ZDHHC17: variants seen among roughly 807,000 people sequenced by gnomAD.
The protein encoded by ZDHHC17 is palmitoyltransferase ZDHHC17.
A neutral mutation model predicts 90.3 loss-of-function variants in ZDHHC17; 40 were observed. The observed-to-expected ratio is 0.44, with a 90% CI of 0.34 to 0.58. The LOEUF (loss-of-function observed/expected upper bound fraction) is 0.58. Among genes scored for constraint, ZDHHC17 ranks in the 20% least tolerant of loss-of-function variants. The pLI is 0.01. For synonymous variants in ZDHHC17, 235 were observed against 252.4 expected, an observed-to-expected ratio of 0.93 and a Z score of 0.65; for missense variants, 614 against 780.8, an observed-to-expected ratio of 0.79 and a Z score of 2.55.
At chr12:76,821,036 C>A in intron 7 of ZDHHC17, 1 of 1,265,452 alleles carries the variant, frequency 7.9e-7, no homozygotes, top group East Asian at 5.6e-5. Flanking sequence ...TATTTTAAAG[C>A]TCCCTCAATC....
chr12:76,787,941 T>G (rs1050871711), intron 1 of ZDHHC17, among the ~76,000 whole-genome samples: 1 of 152,194 alleles, frequency 6.6e-6, no homozygotes, highest in African/African-American at 2.4e-5. Context: ...CTGAGTGTGG[T>G]TGTGTGCACC....
chr12:76,842,130 C>G, intron 11 of ZDHHC17, 24 bp downstream of exon 11: 1 of 1,534,572 alleles, frequency 6.5e-7, no homozygotes, highest in Non-Finnish European at 8.7e-7. Flanking sequence ...AACTAAGTCA[C>G]TTGTATTTAA....
intron 13 of ZDHHC17, 55 bp from the exon 14 acceptor site, chr12:76,846,541 A>G (rs369348520): frequency 9.5e-6 from 13 of 1,366,102 alleles, no homozygotes; most frequent in Non-Finnish European, 1.3e-5. Flanking sequence ...TCAAAGGTGC[A>G]TTACCCGTTG....
At chr12:76,840,064 AAGTGGGGATAAT>A (rs1439108425) in intron 10 of ZDHHC17, 1 of 152,144 alleles carries the variant, frequency 6.6e-6, no homozygotes, top group Admixed American at 6.5e-5. Flanking sequence ...ATCATCTGTA[AAGTGGGGATAAT>A]AGCAGGATTT....
chr12:76,846,080 C>T (rs564107999), intron 13 of ZDHHC17, among the ~76,000 whole-genome samples: 3 of 151,558 alleles, frequency 2.0e-5, no homozygotes, highest in South Asian at 2.1e-4. Context: ...GAGATGAAGG[C>T]GGTAATATTT....
Position 76,777,923 on chromosome 12 carries a change from C to A in ZDHHC17, c.93+13594C>A, listed in dbSNP as rs73391806. 8.9e-3 allele frequency among the ~76,000 whole-genome samples: 1,343 copies of A among 151,702 alleles called. 16 individuals are homozygous for A. Among genetic ancestry groups the A allele is most frequent in the African/African-American group, 0.031 (1,278 of 41,298 alleles). On this transcript the variant is annotated intron_variant, in intron 1 of 16. Coordinates refer to ENST00000426126, the MANE Select transcript of ZDHHC17 (RefSeq NM_015336.4). ...GAGAGGTTAAGGTTAAGGAAGGATGCGGGGAGCTGAGGGAGGGGAGAGAGA... is the reference window on the plus strand; with the variant it reads ...GAGAGGTTAAGGTTAAGGAAGGATGAGGGGAGCTGAGGGAGGGGAGAGAGA...
chr12:76,851,198 A>C lies in ZDHHC17; in HGVS notation c.*213A>C. On this transcript the variant is annotated 3_prime_UTR_variant, in exon 17 of 17. Coordinates refer to ENST00000426126, the MANE Select transcript of ZDHHC17 (RefSeq NM_015336.4). ...ATTTCTGGGAAGAGTAAAGATGATA[A>C]AAAATAATTTTAATGGTTCTTAATG... 3.9e-6 allele frequency: 2 copies of C among 511,696 alleles called. No homozygotes were observed. The highest frequency in any genetic ancestry group is 5.4e-5 in the South Asian group (2 of 37,176). 31.7% of individuals were successfully genotyped at this position (511,696 alleles called of 1,614,324 possible). A position where few individuals can be genotyped will look rare whatever the true frequency, so the allele number is the denominator to read the frequency against.
intron 3 of ZDHHC17, among the ~76,000 whole-genome samples, chr12:76,805,827 A>G (rs1952948275): frequency 6.6e-6 from 1 of 152,242 alleles, no homozygotes; most frequent in Non-Finnish European, 1.5e-5. Flanking sequence ...CTTGGTGTTC[A>G]CATTCCAAAT....
intron 10 of ZDHHC17, among the ~76,000 whole-genome samples, chr12:76,839,767 A>G (rs1451081565): frequency 6.6e-6 from 1 of 152,208 alleles, no homozygotes; most frequent in Non-Finnish European, 1.5e-5. Flanking sequence ...GCGTTTTTTC[A>G]TTACTGCTAA....
intron 10 of ZDHHC17, among the ~76,000 whole-genome samples, chr12:76,837,406 G>A (rs976914764): frequency 3.3e-5 from 5 of 152,124 alleles, no homozygotes; most frequent in African/African-American, 1.2e-4. Context: ...GAGGCAGTAG[G>A]ACCCTTTGAG....
chr12:76,814,119 C>T (rs1953056610), intron 5 of ZDHHC17, among the ~76,000 whole-genome samples: 1 of 151,916 alleles, frequency 6.6e-6, no homozygotes. Flanking sequence ...ATAATCAGTT[C>T]AGAATGGAGT....
At chr12:76,794,161 A>G (rs1053192257) in intron 1 of ZDHHC17, among the ~76,000 whole-genome samples, 2 of 152,192 alleles carry the variant, frequency 1.3e-5, no homozygotes, top group Non-Finnish European at 2.9e-5. Context: ...CTGAGATTAC[A>G]GGCGTGAGCC....
chr12:76,776,075 A>C (rs1387998974), intron 1 of ZDHHC17, among the ~76,000 whole-genome samples: 3 of 152,054 alleles, frequency 2.0e-5, no homozygotes, highest in Non-Finnish European at 2.9e-5. Context: ...TTTCCATTGA[A>C]TAATTGATGT....
chr12:76,845,842 A>C, intron 13 of ZDHHC17, 40 bp downstream of exon 13: 1 of 1,142,834 alleles, frequency 8.8e-7, no homozygotes, highest in Non-Finnish European at 1.3e-6. Flanking sequence ...CATTCATTTA[A>C]GTTACTTTAG....
intron 12 of ZDHHC17, chr12:76,844,990 T>G (rs1245107248): frequency 6.6e-6 from 1 of 152,068 alleles, no homozygotes; most frequent in Non-Finnish European, 1.5e-5. Context: ...AAAACAGACA[T>G]CATAAGCATG....
At chr12:76,829,330 G>A (rs988350429) in intron 10 of ZDHHC17, among the ~76,000 whole-genome samples, 2 of 151,794 alleles carry the variant, frequency 1.3e-5, no homozygotes, top group African/African-American at 2.4e-5. Flanking sequence ...GGTGGCACGT[G>A]CCTGTATTCC....
intron 1 of ZDHHC17, among the ~76,000 whole-genome samples, chr12:76,779,114 G>C (rs1952595699): frequency 6.6e-6 from 1 of 152,094 alleles, no homozygotes; most frequent in South Asian, 2.1e-4. Flanking sequence ...ATGAGTTTCG[G>C]GGGTATACAT....
intron 3 of ZDHHC17, among the ~76,000 whole-genome samples, chr12:76,807,949 A>G (rs1952974374): frequency 6.6e-6 from 1 of 152,226 alleles, no homozygotes; most frequent in South Asian, 2.1e-4. Context: ...GGATTCAGGA[A>G]TAATTAAATG....
At chr12:76,769,699 C>T (rs1952471670) in intron 1 of ZDHHC17, among the ~76,000 whole-genome samples, 1 of 151,952 alleles carries the variant, frequency 6.6e-6, no homozygotes, top group South Asian at 2.1e-4. Context: ...AACTACTATG[C>T]TTAGTATAGT....
Sources: allele counts gnomAD v4.1 joint callset (sites outside exome capture counted in the v4.1 genomes callset), GRCh38; gene constraint gnomAD v4.1.1; transcripts MANE v1.5; gene names NCBI Gene and HGNC (gene_info 2026-07-23, HGNC 2026-07-21).